Variants in SYTL2 observed in about 807,000 individuals in gnomAD.
The protein encoded by SYTL2 is synaptotagmin-like protein 2.
In SYTL2, 165 loss-of-function variants were observed where a neutral mutation model predicts 198.7. The ratio of observed to expected loss-of-function variants is 0.83; its 90% CI spans 0.73 to 0.94. The LOEUF (loss-of-function observed/expected upper bound fraction) is 0.94, where lower values mean the gene tolerates loss of function less well. SYTL2 is among the 40% of genes least tolerant of loss of function. The pLI is 0.00. For missense variants in SYTL2, 2,835 were observed against 2,582.8 expected (o/e 1.10, Z -2.12); for synonymous variants, 966 against 917.7 (o/e 1.05, Z -0.95).
intron 18 of SYTL2, among the ~76,000 whole-genome samples, chr11:85,697,095 A>C (rs2083513035): frequency 6.6e-6 from 1 of 152,216 alleles, no homozygotes; most frequent in African/African-American, 2.4e-5. Context: ...TTGGTCTTAG[A>C]ATGAGGCTGA....
At chr11:85,795,213 G>T (rs996089598) in intron 1 of SYTL2, among the ~76,000 whole-genome samples, 1 of 151,924 alleles carries the variant, frequency 6.6e-6, no homozygotes, top group African/African-American at 2.4e-5. Flanking sequence ...TACCACCACC[G>T]CTAAGTTTAT....
At chr11:85,715,898 C>G (rs2087149910) in intron 11 of SYTL2, among the ~76,000 whole-genome samples, 1 of 152,182 alleles carries the variant, frequency 6.6e-6, no homozygotes, top group South Asian at 2.1e-4. Flanking sequence ...AGGTCAAATT[C>G]AATTATACCC....
chr11:85,805,666 C>A (rs966726871), intron 1 of SYTL2, among the ~76,000 whole-genome samples: 2 of 152,228 alleles, frequency 1.3e-5, no homozygotes, highest in Non-Finnish European at 2.9e-5. Flanking sequence ...GCTAGTGGTG[C>A]TGGCATCCAT....
chr11:85,848,794 C>A, the SYTL2 span, among the ~76,000 whole-genome samples: 1 of 152,170 alleles, frequency 6.6e-6, no homozygotes, highest in African/African-American at 2.4e-5. Context: ...GGATAAGAAA[C>A]CCTGGCTCCA....
At chr11:85,801,248 C>G (rs979735253) in intron 1 of SYTL2, among the ~76,000 whole-genome samples, 4 of 152,164 alleles carry the variant, frequency 2.6e-5, no homozygotes, top group African/African-American at 9.7e-5. Flanking sequence ...TCCCTAGAAC[C>G]TTAAACTCAA....
At chr11:85,789,372 ATATATG>A (rs1254873755) in intron 1 of SYTL2, among the ~76,000 whole-genome samples, 1,161 of 41,746 alleles carry the variant, frequency 0.028, 17 homozygotes, top group South Asian at 0.04. Flanking sequence ...ATATATATAT[ATATATG>A]TATATATATA....
At chr11:85,747,725 G>A (rs1480613705) in intron 3 of SYTL2, among the ~76,000 whole-genome samples, 1 of 152,152 alleles carries the variant, frequency 6.6e-6, no homozygotes, top group Non-Finnish European at 1.5e-5. Context: ...TGCTGTGTCA[G>A]CTACTACAGC....
At chr11:85,717,749 C>G (rs922935936) in intron 10 of SYTL2, 1 of 582,208 alleles carries the variant, frequency 1.7e-6, no homozygotes, top group East Asian at 3.7e-5. Context: ...AAAAGAGATA[C>G]GGAGCATCCT....
the SYTL2 span, among the ~76,000 whole-genome samples, chr11:85,825,023 G>A: frequency 6.6e-6 from 1 of 152,158 alleles, no homozygotes; most frequent in Non-Finnish European, 1.5e-5. Flanking sequence ...GGGTTAAGAG[G>A]CTGGAGAATG....
chr11:85,795,689 A>G (rs970246020), intron 1 of SYTL2, among the ~76,000 whole-genome samples: 1 of 152,222 alleles, frequency 6.6e-6, no homozygotes, highest in Non-Finnish European at 1.5e-5. Context: ...TTATATTTCT[A>G]CAATATAAAA....
rs867577284 is a variant in SYTL2, at chr11:85,726,150, G to A, written c.3208C>T (p.Pro1070Ser). 1.2e-6 allele frequency: 2 copies of A among 1,614,006 alleles called. No homozygotes were observed. The highest frequency in any genetic ancestry group is 1.7e-6 in the Non-Finnish European group (2 of 1,179,972). The part of the protein sequence containing the change: ...LQVLPDEITF[P>S]LSPLRKYTYQ... ...GTATACTTTCTAAGTGGACTCAAAGGAAATGTGATTTCATCTGGTAGCACC... is the reference window on the plus strand; with the variant it reads ...GTATACTTTCTAAGTGGACTCAAAGAAAATGTGATTTCATCTGGTAGCACC... Residue 1070 changes from proline to serine, a missense_variant, in exon 8 of 20, where the codon CCT (proline) becomes TCT (serine). Coordinates refer to ENST00000359152, the MANE Select transcript of SYTL2 (RefSeq NM_206927.4).
At chr11:85,771,303 A>G (rs1352991556) in intron 1 of SYTL2, among the ~76,000 whole-genome samples, 2 of 152,246 alleles carry the variant, frequency 1.3e-5, no homozygotes, top group East Asian at 1.9e-4. Flanking sequence ...ATCAGTGTTC[A>G]ATATAATTCT....
chr11:85,756,029 T>C (rs1313266763), intron 2 of SYTL2, among the ~76,000 whole-genome samples: 2 of 152,136 alleles, frequency 1.3e-5, no homozygotes, highest in Non-Finnish European at 2.9e-5. Flanking sequence ...GCTTAAAGAA[T>C]CAATATTTTC....
At chr11:85,815,433 T>G (rs1056762601), upstream of SYTL2, among the ~76,000 whole-genome samples, 1 of 152,244 alleles carries the variant, frequency 6.6e-6, no homozygotes, top group Non-Finnish European at 1.5e-5. Flanking sequence ...GTTTTTTAAA[T>G]AATTTGTAAA....
At chr11:85,754,870 A>T (rs1480151190) in intron 2 of SYTL2, among the ~76,000 whole-genome samples, 1 of 152,172 alleles carries the variant, frequency 6.6e-6, no homozygotes, top group African/African-American at 2.4e-5. Flanking sequence ...AAAGAATAAC[A>T]ACGATGAGCA....
At position 85,726,092 on chromosome 11, in the gene SYTL2, T is replaced by C. The variant is rs1453632874; in HGVS notation, c.3266A>G (p.Glu1089Gly). ...CCCTTCCGTATTCTTTTCCACATTT[T>C]CCTTTGATGACTCATTTCCTGGCAA... ...YQLPGNESSK[E>G]NVEKNTEGIV... Residue 1089 changes from glutamate to glycine, a missense_variant, in exon 8 of 20, where the codon GAA becomes GGA. Glu to Gly is a moderately conservative substitution (Grantham distance 98). This residue lies in a region of SYTL2 where 2,645 missense variants were observed against 2,381.7 expected (regional missense o/e 1.11). Coordinates refer to ENST00000359152, the MANE Select transcript of SYTL2 (RefSeq NM_206927.4). 2 of 1,613,702 alleles carry C rather than the reference T, an allele frequency of 1.2e-6. No individual in the cohort carries two copies. Among genetic ancestry groups the C allele is most frequent in the Non-Finnish European group, 8.5e-7 (1 of 1,179,884 alleles).
In SYTL2 at chr11:85,706,214, T is replaced by C. The variant is rs75429582; in HGVS notation, c.6019-1186A>G. Reference sequence around the variant, plus strand: ...TTGATCTTTCACACAAATTAACTAATTTACTGTTCTCCACTGCTAAGGTAG... The same window carrying C: ...TTGATCTTTCACACAAATTAACTAACTTACTGTTCTCCACTGCTAAGGTAG... On this transcript the variant is annotated intron_variant, in intron 15 of 19. Transcript: ENST00000359152. Among the ~76,000 whole-genome samples, 1,048 of 152,346 alleles carry C rather than the reference T, an allele frequency of 6.9e-3. 33 individuals carry two copies. The East Asian group carries it at 0.093, about 14-fold the overall frequency.
chr11:85,837,444 A>C, the SYTL2 span, among the ~76,000 whole-genome samples: 1 of 152,216 alleles, frequency 6.6e-6, no homozygotes, highest in Non-Finnish European at 1.5e-5. Flanking sequence ...GTCAGGAAGA[A>C]AACCCAACCC....
At chr11:85,849,114 T>A in the SYTL2 span, among the ~76,000 whole-genome samples, 1 of 152,232 alleles carries the variant, frequency 6.6e-6, no homozygotes, top group Non-Finnish European at 1.5e-5. Flanking sequence ...TTCTTAAAGG[T>A]AGCATATACT....
Sources: gnomAD v4.1 joint callset for allele counts (sites outside exome capture counted in the v4.1 genomes callset) on GRCh38, gnomAD v4.1.1 for gene constraint, gnomAD v4.1.1 regional missense constraint, MANE v1.5 for transcripts, NCBI Gene and HGNC (gene_info 2026-07-23, HGNC 2026-07-21) for gene names.